DCAF10: variants seen among roughly 807,000 people sequenced by gnomAD.
The protein encoded by DCAF10 is DDB1- and CUL4-associated factor 10.
DCAF10 carries 19 observed loss-of-function variants against 51.9 expected under a neutral mutation model. The observed-to-expected ratio is 0.37, with a 90% CI of 0.26 to 0.54. DCAF10 has a LOEUF of 0.54. DCAF10 is among the 20% of genes least tolerant of loss of function. DCAF10 has a pLI of 0.87. For missense variants in DCAF10, 510 were observed against 730.6 expected, an observed-to-expected ratio of 0.70 and a Z score of 3.48; for synonymous variants, 291 against 297.1, an observed-to-expected ratio of 0.98 and a Z score of 0.21.
chr9:37,836,484 G>A (rs904836277), intron 2 of DCAF10: 3 of 1,062,016 alleles, frequency 2.8e-6, no homozygotes, highest in Admixed American at 1.7e-5. Context: ...TTCCAGCTGA[G>A]ATGATTTGAG....
In DCAF10 at chr9:37,801,400, C is replaced by A; in HGVS notation, c.534C>A (p.Pro178=). The A allele has an allele frequency of 6.7e-7, 1 of 1,496,782 alleles. No individual in the cohort carries two copies. Among genetic ancestry groups the A allele is most frequent in the Non-Finnish European group, 8.9e-7 (1 of 1,120,490 alleles). 92.7% of individuals were successfully genotyped at this position (1,496,782 alleles called of 1,614,324 possible). Residue 178 remains proline (P), a synonymous_variant, in exon 1 of 7, where the codon CCC becomes CCA. Coordinates refer to ENST00000377724, the MANE Select transcript of DCAF10 (RefSeq NM_024345.5). This position sits in a 1 kb window ranked among gnomAD's most constrained non-coding sequence, Gnocchi z 5.5. ...CCGTCTTCAACCTCGAGTACTCGCC[C>A]GACGGGTAAGCGCGGCCCCTCGGAG... ...HGAVFNLEYS[P]DGSVLTVACE...
chr9:37,861,039 TCTGTG>T lies in DCAF10; in HGVS notation c.1312-100_1312-96del. ...ATTCTGAGTGATTTCTTGTAAAAAT[TCTGTG>T]GCTTTGGCAATCTGTTGAGCTTTTT... On this transcript the variant is annotated intron_variant, in intron 6 of 6. Coordinates refer to ENST00000377724, the MANE Select transcript of DCAF10 (RefSeq NM_024345.5). This position sits in a 1 kb window ranked among gnomAD's most constrained non-coding sequence, Gnocchi z 4.9. The T allele has an allele frequency of 6.9e-7, 1 of 1,456,282 alleles. No individual in the cohort carries two copies. Among genetic ancestry groups the T allele is most frequent in the Non-Finnish European group, 9.1e-7 (1 of 1,095,602 alleles). The allele number at this position is 1,456,282 out of a possible 1,614,324, so 90.2% of individuals were successfully genotyped here. A position where few individuals can be genotyped will look rare whatever the true frequency, so the allele number is the denominator to read the frequency against.
chr9:37,802,295 A>C (rs1316163587), intron 1 of DCAF10, among the ~76,000 whole-genome samples: 1 of 152,224 alleles, frequency 6.6e-6, no homozygotes, highest in Non-Finnish European at 1.5e-5. Flanking sequence ...TTAATGGTTC[A>C]ACTAGATAGT....
chr9:37,823,006 A>T (rs1012047336), intron 2 of DCAF10, among the ~76,000 whole-genome samples: 1 of 152,138 alleles, frequency 6.6e-6, no homozygotes, highest in African/African-American at 2.4e-5. Flanking sequence ...GTTGGTATAT[A>T]AAAAACTCAA....
intron 2 of DCAF10, among the ~76,000 whole-genome samples, chr9:37,825,748 G>A (rs572611696): frequency 6.6e-6 from 1 of 152,354 alleles, no homozygotes; most frequent in African/African-American, 2.4e-5. Flanking sequence ...GCTGGGCACA[G>A]TGGCTTATGC....
chr9:37,840,895 C>G (rs1275091380), intron 2 of DCAF10, among the ~76,000 whole-genome samples: 1 of 151,966 alleles, frequency 6.6e-6, no homozygotes, highest in Non-Finnish European at 1.5e-5. Context: ...TTTCAATATA[C>G]AAATACTTAC....
rs1383148625 is a variant in DCAF10 at position 37,800,927 on chromosome 9, G to A, written c.61G>A (p.Glu21Lys). 6 of 1,496,120 alleles carry A rather than the reference G, an allele frequency of 4.0e-6. No homozygotes were observed. The highest frequency in any genetic ancestry group is 5.3e-6 in the Non-Finnish European group (6 of 1,130,430). The allele number at this position is 1,496,120 out of a possible 1,614,324, so 92.7% of individuals were successfully genotyped here. A position where few individuals can be genotyped will look rare whatever the true frequency, so the allele number is the denominator to read the frequency against. ...GDGSAGAGAE[E>K]PTPHEGQAAA... ...CGGATCGGCCGGAGCCGGGGCTGAG[G>A]AGCCGACGCCCCACGAGGGGCAGGC... Residue 21 changes from glutamate (E) to lysine (K), a missense_variant, in exon 1 of 7, where the codon GAG becomes AAG. Physicochemically the swap from Glu to Lys is moderately conservative, Grantham distance 56. Around this residue, in one of 4 missense-constraint regions of DCAF10, gnomAD observed 251 missense variants for 227.9 expected, o/e 1.10. Coordinates refer to ENST00000377724, the MANE Select transcript of DCAF10 (RefSeq NM_024345.5).
intron 2 of DCAF10, among the ~76,000 whole-genome samples, chr9:37,832,414 C>T (rs1289429438): frequency 1.3e-5 from 2 of 151,658 alleles, no homozygotes; most frequent in African/African-American, 4.8e-5. Context: ...GCCGAGATCA[C>T]GCCATTGCAT....
intron 2 of DCAF10, among the ~76,000 whole-genome samples, chr9:37,824,084 T>C (rs1829784723): frequency 1.3e-5 from 2 of 152,068 alleles, no homozygotes; most frequent in Non-Finnish European, 2.9e-5. Context: ...TTTCACCACG[T>C]TGGCCAGGCT....
upstream of DCAF10, chr9:37,800,746 C>T: frequency 6.5e-7 from 1 of 1,533,462 alleles, no homozygotes. Context: ...GGCCGAGGGG[C>T]GGCGCGGGTT....
chr9:37,803,005 T>C (rs2119007558), intron 1 of DCAF10, among the ~76,000 whole-genome samples: 1 of 152,336 alleles, frequency 6.6e-6, no homozygotes, highest in South Asian at 2.1e-4. Context: ...GGTGGGAGTA[T>C]AATGAGAAGA....
chr9:37,828,318 T>C (rs561240871), intron 2 of DCAF10, among the ~76,000 whole-genome samples: 1 of 151,724 alleles, frequency 6.6e-6, no homozygotes, highest in South Asian at 2.1e-4. Context: ...CTGTCATGTA[T>C]CTGTAAAAAC....
rs1403314870 is a variant in DCAF10 at position 37,861,596 on chromosome 9, C to A, written c.*88C>A. On this transcript the variant is annotated 3_prime_UTR_variant, in exon 7 of 7. Coordinates refer to ENST00000377724, the MANE Select transcript of DCAF10 (RefSeq NM_024345.5). The surrounding 1 kb of genome is among the most constrained non-coding windows in gnomAD (Gnocchi z 4.9). ...ATGAAGTATTTTCTTTTTAGAAGAT[C>A]TTATAAGTTTGGGTCAAGATCCTGG... is the stretch of plus-strand genomic sequence containing the variant. The A allele has an allele frequency of 6.6e-7, 1 of 1,513,266 alleles. No individual in the cohort carries two copies. The highest frequency in any genetic ancestry group is 8.8e-7 in the Non-Finnish European group (1 of 1,133,720). 93.7% of individuals were successfully genotyped at this position (1,513,266 alleles called of 1,614,324 possible).
chr9:37,840,112 A>C (rs961877534), intron 2 of DCAF10, among the ~76,000 whole-genome samples: 7 of 152,230 alleles, frequency 4.6e-5, no homozygotes, highest in African/African-American at 1.7e-4. Flanking sequence ...TAACAGCTGA[A>C]TACAGTTATA....
At chr9:37,815,821 A>T (rs755488125) in intron 1 of DCAF10, among the ~76,000 whole-genome samples, 8 of 152,120 alleles carry the variant, frequency 5.3e-5, no homozygotes, top group Non-Finnish European at 8.8e-5. Context: ...TTTTTGAGAC[A>T]GGGTCTTGGT....
At position 37,801,493 on chromosome 9, in the gene DCAF10, C is replaced by G; in HGVS notation, c.539+88C>G. On this transcript the variant is annotated intron_variant, in intron 1 of 6. Coordinates refer to ENST00000377724, the MANE Select transcript of DCAF10 (RefSeq NM_024345.5). The surrounding 1 kb of genome is among the most constrained non-coding windows in gnomAD (Gnocchi z 5.5). ...CCGTCCTGGGCTCGCTCCCCGCGCC[C>G]GGGCCGAGGTTAGCGAGGCCGTTTG... 7.5e-7 allele frequency: 1 copy of G among 1,330,390 alleles called. No homozygotes were observed. Among genetic ancestry groups the G allele is most frequent in the East Asian group, 3.1e-5 (1 of 31,826 alleles). 82.4% of individuals were successfully genotyped at this position (1,330,390 alleles called of 1,614,324 possible).
intron 1 of DCAF10, among the ~76,000 whole-genome samples, chr9:37,802,390 C>T (rs146160052): frequency 2.4e-4 from 37 of 152,152 alleles, no homozygotes; most frequent in African/African-American, 8.7e-4. Flanking sequence ...ACTGTGTTCA[C>T]GGATTCCCTG....
intron 1 of DCAF10, among the ~76,000 whole-genome samples, chr9:37,806,099 TA>T (rs1829105963): frequency 1.3e-5 from 2 of 152,100 alleles, no homozygotes; most frequent in South Asian, 4.2e-4. Context: ...AAAATAAAAT[TA>T]AAAAATAAAT....
intron 2 of DCAF10, among the ~76,000 whole-genome samples, chr9:37,841,766 C>T (rs529487017): frequency 6.6e-6 from 1 of 152,192 alleles, no homozygotes; most frequent in East Asian, 1.9e-4. Context: ...TTTTTGTTTC[C>T]TATAGAGATT....
Sources: allele counts gnomAD v4.1 joint callset (sites outside exome capture counted in the v4.1 genomes callset), GRCh38; gene constraint gnomAD v4.1.1; regional missense constraint gnomAD v4.1.1; non-coding constraint Gnocchi (gnomAD v3.1); transcripts MANE v1.5; gene names NCBI Gene and HGNC (gene_info 2026-07-23, HGNC 2026-07-21).